Variants in KLHL29 observed in about 807,000 individuals in gnomAD.
The protein encoded by KLHL29 is kelch-like protein 29.
A neutral mutation model predicts 80.4 loss-of-function variants in KLHL29; 21 were observed. The observed-to-expected ratio is 0.26, with a 90% CI of 0.19 to 0.38. The LOEUF (loss-of-function observed/expected upper bound fraction) is 0.38, where lower values mean the gene tolerates loss of function less well. KLHL29 is among the 10% of genes least tolerant of loss of function. The pLI, the probability that KLHL29 is intolerant of heterozygous loss-of-function variation, is 1.00. For missense variants in KLHL29, 867 were observed against 1,223.9 expected (o/e 0.71, Z 4.35); for synonymous variants, 511 against 526.8 (o/e 0.97, Z 0.41).
intron 1 of KLHL29, among the ~76,000 whole-genome samples, chr2:23,399,338 ACTTAATGCCACTGAAC>A: frequency 6.6e-6 from 1 of 152,212 alleles, no homozygotes; most frequent in South Asian, 2.1e-4. Flanking sequence ...GTGTGCATGC[ACTTAATGCCACTGAAC>A]TGTACATTTA....
At chr2:23,447,580 A>G (rs1418234187) in intron 1 of KLHL29, among the ~76,000 whole-genome samples, 2 of 152,206 alleles carry the variant, frequency 1.3e-5, no homozygotes, top group African/African-American at 4.8e-5. Context: ...TAACGCTGAT[A>G]ATGGCCTTGG....
intron 1 of KLHL29, among the ~76,000 whole-genome samples, chr2:23,434,725 A>G (rs917204569): frequency 5.9e-5 from 9 of 152,210 alleles, no homozygotes; most frequent in African/African-American, 2.2e-4. Flanking sequence ...GACATGCTGT[A>G]AATAGTCATC....
intron 3 of KLHL29, among the ~76,000 whole-genome samples, chr2:23,612,678 G>T (rs1217682819): frequency 6.6e-6 from 1 of 152,112 alleles, no homozygotes; most frequent in African/African-American, 2.4e-5. Flanking sequence ...GGAGGCTGAG[G>T]TTGCAGTGAG....
intron 2 of KLHL29, among the ~76,000 whole-genome samples, chr2:23,555,132 T>C (rs34600634): frequency 3.3e-4 from 33 of 99,062 alleles, no homozygotes; most frequent in African/African-American, 8.5e-4. Flanking sequence ...CCCCCCCCCC[T>C]CAACTTGTGT....
intron 3 of KLHL29, among the ~76,000 whole-genome samples, chr2:23,601,019 C>T (rs1668555558): frequency 6.6e-6 from 1 of 152,144 alleles, no homozygotes. Flanking sequence ...ATTGCCATTC[C>T]CGTTTTATAG....
intron 2 of KLHL29, among the ~76,000 whole-genome samples, chr2:23,549,356 C>T (rs945644786): frequency 1.3e-5 from 2 of 152,228 alleles, no homozygotes; most frequent in East Asian, 3.8e-4. Flanking sequence ...ACAGCCAGCT[C>T]TGCACTGGAG....
intron 2 of KLHL29, among the ~76,000 whole-genome samples, chr2:23,556,485 A>C (rs528561804): frequency 6.6e-6 from 1 of 151,808 alleles, no homozygotes; most frequent in Non-Finnish European, 1.5e-5. Context: ...CCAAAAAAAA[A>C]ACAAAAAAAA....
At position 23,457,735 on chromosome 2, in the gene KLHL29, C is replaced by T. The variant is rs984341241; in HGVS notation, c.-153-17825C>T. The stretch of plus-strand genomic sequence containing the variant: ...TGGGACTCTAAAGAAAACGTAAGGC[C>T]GGGCGCGGTGGCTCACACCTGTAAT... On this transcript the variant is annotated intron_variant, in intron 1 of 13. Coordinates refer to ENST00000486442, the MANE Select transcript of KLHL29 (RefSeq NM_052920.2). The surrounding 1 kb of genome is among the most constrained non-coding windows in gnomAD (Gnocchi z 4.3). Among the ~76,000 whole-genome samples the T allele has an allele frequency of 4.6e-5, 7 of 152,158 alleles. No homozygotes were observed. In the South Asian group the frequency reaches 6.2e-4, roughly 13 times the overall value.
chr2:23,628,351 A>G (rs1018666246), intron 3 of KLHL29, among the ~76,000 whole-genome samples: 1 of 144,684 alleles, frequency 6.9e-6, no homozygotes, highest in Non-Finnish European at 1.5e-5. Flanking sequence ...TAATCCTAGA[A>G]TGCCCTCTGG....
At chr2:23,639,108 C>G (rs1470112554) in intron 3 of KLHL29, 31 bp from the exon 4 acceptor site, 4 of 1,504,350 alleles carry the variant, frequency 2.7e-6, no homozygotes, top group Non-Finnish European at 3.5e-6. Flanking sequence ...TCTGGCCAGG[C>G]TATGCTCACC....
intron 2 of KLHL29, among the ~76,000 whole-genome samples, chr2:23,530,833 G>C (rs1170483264): frequency 6.6e-6 from 1 of 152,156 alleles, no homozygotes; most frequent in Non-Finnish European, 1.5e-5. Context: ...CAGGAGAGTG[G>C]AGGCCACCAA....
At chr2:23,494,082 A>T (rs536866908) in intron 2 of KLHL29, among the ~76,000 whole-genome samples, 8 of 152,334 alleles carry the variant, frequency 5.3e-5, no homozygotes, top group African/African-American at 1.7e-4. Flanking sequence ...AAATTATAAT[A>T]GTTGTCGTAT....
chr2:23,621,710 C>T (rs60607107), intron 3 of KLHL29, among the ~76,000 whole-genome samples: 181 of 152,256 alleles, frequency 1.2e-3, no homozygotes, highest in Non-Finnish European at 1.9e-3. Context: ...GAAGAGAAGG[C>T]GCTGCCAAAA....
intron 1 of KLHL29, among the ~76,000 whole-genome samples, chr2:23,458,264 G>A (rs766566082): frequency 6.6e-6 from 1 of 152,196 alleles, no homozygotes; most frequent in Non-Finnish European, 1.5e-5. Context: ...TTTCTGCAAG[G>A]CACTGGTGCT....
intron 1 of KLHL29, among the ~76,000 whole-genome samples, chr2:23,392,282 C>A (rs1666338925): frequency 6.6e-6 from 1 of 152,184 alleles, no homozygotes; most frequent in African/African-American, 2.4e-5. Flanking sequence ...TACACCAGGG[C>A]ATGTATATAT....
intron 1 of KLHL29, among the ~76,000 whole-genome samples, chr2:23,451,899 C>G (rs1293554987): frequency 2.6e-5 from 4 of 152,172 alleles, no homozygotes; most frequent in Admixed American, 6.5e-5. Context: ...AAGCATGGCA[C>G]TGGCATCCTC....
At chr2:23,553,331 G>A (rs941459583) in intron 2 of KLHL29, among the ~76,000 whole-genome samples, 1 of 152,210 alleles carries the variant, frequency 6.6e-6, no homozygotes. Flanking sequence ...GTTCACCTGG[G>A]GCCTTGATAT....
At chr2:23,510,408 C>A (rs1347356787) in intron 2 of KLHL29, among the ~76,000 whole-genome samples, 1 of 152,170 alleles carries the variant, frequency 6.6e-6, no homozygotes, top group Non-Finnish European at 1.5e-5. Context: ...AGCACCTGAC[C>A]CTTCTATGGC....
chr2:23,536,444 G>C (rs987655770), intron 2 of KLHL29, among the ~76,000 whole-genome samples: 1 of 152,186 alleles, frequency 6.6e-6, no homozygotes, highest in African/African-American at 2.4e-5. Flanking sequence ...GGGGGCTGGT[G>C]CCGGCCTGAG....
Sources: allele counts gnomAD v4.1 joint callset (sites outside exome capture counted in the v4.1 genomes callset), GRCh38; gene constraint gnomAD v4.1.1; non-coding constraint Gnocchi (gnomAD v3.1); transcripts MANE v1.5; gene names NCBI Gene and HGNC (gene_info 2026-07-23, HGNC 2026-07-21).